Variants in PRKG1 observed in about 807,000 individuals in gnomAD.
PRKG1 encodes the protein cGMP-dependent protein kinase 1.
A neutral mutation model predicts 88.1 loss-of-function variants in PRKG1; 35 were observed. The ratio of observed to expected loss-of-function variants is 0.40; its 90% CI spans 0.30 to 0.53. The LOEUF (loss-of-function observed/expected upper bound fraction) is 0.53, where lower values mean the gene tolerates loss of function less well. Ranked by LOEUF, PRKG1 falls within the 20% of genes least tolerant of loss-of-function variation. PRKG1 has a pLI of 0.59. For synonymous variants in PRKG1, 303 were observed against 292.5 expected (o/e 1.04, Z -0.37); for missense variants, 540 against 839.8 (o/e 0.64, Z 4.41).
At chr10:52,280,679 C>T in intron 12 of PRKG1, 110 bp from the exon 13 acceptor site, 5 of 1,198,000 alleles carry the variant, frequency 4.2e-6, no homozygotes, top group Non-Finnish European at 5.9e-6. Context: ...GGACAGTGAT[C>T]TCTGGGTTAA....
intron 3 of PRKG1, among the ~76,000 whole-genome samples, chr10:51,727,464 G>T (rs114955922): frequency 6.6e-6 from 1 of 151,976 alleles, no homozygotes; most frequent in Admixed American, 6.6e-5. Flanking sequence ...GACTGCTATC[G>T]AGTGAAACCA....
intron 2 of PRKG1, among the ~76,000 whole-genome samples, chr10:51,325,284 A>G (rs1160892033): frequency 6.6e-6 from 1 of 152,128 alleles, no homozygotes; most frequent in Non-Finnish European, 1.5e-5. Flanking sequence ...GTTTTGAGAC[A>G]GAGTCTCGCT....
chr10:51,909,481 A>G (rs900575056), intron 5 of PRKG1: 1 of 152,200 alleles, frequency 6.6e-6, no homozygotes, highest in Non-Finnish European at 1.5e-5. Context: ...TTGAAAGATC[A>G]TTTACATATA....
intron 1 of PRKG1, among the ~76,000 whole-genome samples, chr10:50,992,527 G>C (rs1490287329): frequency 6.6e-6 from 1 of 152,100 alleles, no homozygotes; most frequent in Non-Finnish European, 1.5e-5. Flanking sequence ...GGAAAAGTTG[G>C]GATGAAGAAG....
At chr10:51,875,389 A>T (rs1172497521) in intron 4 of PRKG1, among the ~76,000 whole-genome samples, 1 of 152,074 alleles carries the variant, frequency 6.6e-6, no homozygotes, top group African/African-American at 2.4e-5. Flanking sequence ...TGTTTTAAAA[A>T]AAAAACCACC....
At chr10:51,190,102 G>T (rs552788513) in intron 2 of PRKG1, among the ~76,000 whole-genome samples, 1 of 151,894 alleles carries the variant, frequency 6.6e-6, no homozygotes, top group African/African-American at 2.4e-5. Context: ...GAGTTCATAC[G>T]TAACAACATT....
intron 1 of PRKG1, among the ~76,000 whole-genome samples, chr10:51,145,604 G>A (rs763898685): frequency 5.9e-5 from 9 of 152,148 alleles, no homozygotes; most frequent in Non-Finnish European, 1.0e-4. Context: ...TTTTTAGTTA[G>A]GCTCACGCGT....
intron 2 of PRKG1, among the ~76,000 whole-genome samples, chr10:51,322,447 C>CA (rs1276561249): frequency 6.6e-6 from 1 of 152,134 alleles, no homozygotes; most frequent in African/African-American, 2.4e-5. Context: ...GCAGCCTTTC[C>CA]AAGTCCAAGG....
At chr10:51,021,296 C>A (rs548023527) in intron 1 of PRKG1, among the ~76,000 whole-genome samples, 1 of 152,154 alleles carries the variant, frequency 6.6e-6, no homozygotes, top group Admixed American at 6.5e-5. Flanking sequence ...GAATCTCATA[C>A]GGCCAAAGAA....
chr10:51,519,820 G>A (rs183916013), intron 3 of PRKG1, among the ~76,000 whole-genome samples: 24 of 152,014 alleles, frequency 1.6e-4, no homozygotes, highest in Admixed American at 4.6e-4. Flanking sequence ...TACTTCATGC[G>A]ACAGCTAAAT....
chr10:51,290,304 T>G (rs1284943402), intron 2 of PRKG1, among the ~76,000 whole-genome samples: 2 of 152,164 alleles, frequency 1.3e-5, no homozygotes, highest in African/African-American at 4.8e-5. Context: ...TAATATTTGA[T>G]ACCATTAAAT....
At chr10:52,053,906 C>A (rs889307271) in intron 5 of PRKG1, among the ~76,000 whole-genome samples, 2 of 152,214 alleles carry the variant, frequency 1.3e-5, no homozygotes, top group Admixed American at 6.5e-5. Flanking sequence ...GTCTAACCCA[C>A]AATAAAAATC....
rs1842177057 is a variant in PRKG1, at chr10:52,288,840, A to G, written c.1824A>G (p.Lys608=). 6.2e-7 allele frequency: 1 copy of G among 1,601,974 alleles called. No individual in the cohort carries two copies. Among genetic ancestry groups the G allele is most frequent in the Non-Finnish European group, 8.5e-7 (1 of 1,175,506 alleles). Residue 608 remains lysine, a synonymous_variant, in exon 15 of 18, where the codon AAA becomes AAG. Coordinates refer to ENST00000373980, the MANE Select transcript of PRKG1 (RefSeq NM_006258.4). ...IAKNAANLIK[K]LCRDNPSERL... ...AAAATGCTGCTAATTTAATTAAAAA[A>G]CTATGCAGGTAAGTATTTCAACCAC...
chr10:51,553,012 ATTAAT>A (rs1258268466), intron 3 of PRKG1, among the ~76,000 whole-genome samples: 1 of 151,694 alleles, frequency 6.6e-6, no homozygotes, highest in Middle Eastern at 3.2e-3. Context: ...GACAGTAAAG[ATTAAT>A]TTAAGTGCTT....
intron 5 of PRKG1, among the ~76,000 whole-genome samples, chr10:51,920,766 G>A (rs1445023479): frequency 6.6e-6 from 1 of 151,908 alleles, no homozygotes; most frequent in Non-Finnish European, 1.5e-5. Flanking sequence ...TCATAGAACT[G>A]TTTCTAATTT....
chr10:51,961,354 C>A (rs188825558), intron 5 of PRKG1, among the ~76,000 whole-genome samples: 1 of 151,696 alleles, frequency 6.6e-6, no homozygotes, highest in East Asian at 1.9e-4. Context: ...GAATGAGGAA[C>A]CTGCAGATGT....
At chr10:51,328,187 A>T (rs1230680546) in intron 2 of PRKG1, among the ~76,000 whole-genome samples, 1 of 152,120 alleles carries the variant, frequency 6.6e-6, no homozygotes, top group East Asian at 1.9e-4. Flanking sequence ...CTTTTGTGAG[A>T]TAAGTTTTTT....
At chr10:51,940,968 A>T (rs1293062736) in intron 5 of PRKG1, among the ~76,000 whole-genome samples, 1 of 151,976 alleles carries the variant, frequency 6.6e-6, no homozygotes, top group East Asian at 1.9e-4. Context: ...AGCTAGATAG[A>T]GAAAAGTATC....
At chr10:51,010,130 G>A (rs1842976760) in intron 1 of PRKG1, among the ~76,000 whole-genome samples, 1 of 152,348 alleles carries the variant, frequency 6.6e-6, no homozygotes, top group African/African-American at 2.4e-5. Flanking sequence ...CAGGGCCATT[G>A]TTTGTGCGAA....
Sources: gnomAD v4.1 joint callset for allele counts (sites outside exome capture counted in the v4.1 genomes callset) on GRCh38, gnomAD v4.1.1 for gene constraint, MANE v1.5 for transcripts, NCBI Gene and HGNC (gene_info 2026-07-23, HGNC 2026-07-21) for gene names.